The following LSG1 variants were observed in gnomAD, a reference collection of about 807,000 sequenced individuals.
LSG1 encodes the protein large 60S subunit nuclear export GTPase 1.
In LSG1, 55 loss-of-function variants were observed where a neutral mutation model predicts 82.6. The ratio of observed to expected loss-of-function variants is 0.67; its 90% CI spans 0.54 to 0.83. LSG1 has a LOEUF of 0.83. LSG1 is among the 40% of genes least tolerant of loss of function. LSG1 has a pLI of 0.00. For synonymous variants in LSG1, 272 were observed against 282.5 expected (o/e 0.96, Z 0.37); for missense variants, 809 against 807.9 (o/e 1.00, Z -0.02).
In LSG1 at chr3:194,641,218, G is replaced by T. The variant is rs954995817; in HGVS notation, c.*850C>A. On this transcript the variant is annotated 3_prime_UTR_variant, in exon 14 of 14. Transcript: ENST00000265245. ...ACCATACAATTCACCAACGTAAAGT[G>T]TGTAATTCAATGGTCTTAAGCATAT... is the stretch of plus-strand genomic sequence containing the variant. The T allele has an allele frequency of 6.6e-6, 1 of 152,180 alleles. No individual in the cohort carries two copies. Among genetic ancestry groups the T allele is most frequent in the Admixed American group, 6.5e-5 (1 of 15,280 alleles). The allele number at this position is 152,180 out of a possible 1,614,324, so 9.4% of individuals were successfully genotyped here.
chr3:194,660,913 C>T (rs940984993), intron 5 of LSG1: 15 of 456,362 alleles, frequency 3.3e-5, no homozygotes, highest in Non-Finnish European at 6.6e-5. Context: ...AAATTCCCTT[C>T]TATGGGAGGC....
At chr3:194,669,000 T>C (rs1230038107) in intron 2 of LSG1, among the ~76,000 whole-genome samples, 3 of 152,062 alleles carry the variant, frequency 2.0e-5, no homozygotes, top group South Asian at 2.1e-4. Flanking sequence ...GCCGAGCTCA[T>C]AGAAGCAGAG....
rs1718893293 is a variant in LSG1, at chr3:194,660,097, T to G, written c.558A>C (p.Pro186=). The G allele has an allele frequency of 1.2e-6, 2 of 1,613,808 alleles. No individual in the cohort carries two copies. Among genetic ancestry groups the G allele is most frequent in the Non-Finnish European group, 1.7e-6 (2 of 1,179,966 alleles). ...CCAAATCCTCACATCTAAACAGGAG[T>G]GGGTTTCGAGCATCTACTATCTGGA... The part of the protein sequence containing the change: ...IVVQIVDARN[P]LLFRCEDLEC... Residue 186 remains proline, a synonymous_variant, in exon 6 of 14, where the codon CCA becomes CCC. Transcript: ENST00000265245.
chr3:194,649,230 CTACCTTG>C (rs1718621341), intron 10 of LSG1, among the ~76,000 whole-genome samples: 1 of 152,252 alleles, frequency 6.6e-6, no homozygotes, highest in South Asian at 2.1e-4. Flanking sequence ...TAACAATATT[CTACCTTG>C]TACTAGAGTT....
rs960137714 is a variant in LSG1 at position 194,669,898 on chromosome 3, T to C, written c.226+111A>G. 3.8e-6 allele frequency: 5 copies of C among 1,318,346 alleles called. No homozygotes were observed. The African/African-American group carries it at 7.4e-5, about 19-fold the overall frequency. The allele number at this position is 1,318,346 out of a possible 1,614,324, so 81.7% of individuals were successfully genotyped here. Reference sequence around the variant, plus strand: ...GTGAGCTGATATCACGCCACTGCACTTCAGCCTGGGTGACAGAGCGAGACT... The same window carrying C: ...GTGAGCTGATATCACGCCACTGCACCTCAGCCTGGGTGACAGAGCGAGACT... On this transcript the variant is annotated intron_variant, in intron 2 of 13. Transcript: ENST00000265245.
intron 5 of LSG1, 23 bp downstream of exon 5, chr3:194,665,534 C>T (rs1332364333): frequency 6.4e-7 from 1 of 1,571,708 alleles, no homozygotes; most frequent in Non-Finnish European, 8.7e-7. Context: ...GTCTTTATTA[C>T]ACAAAAGAAA....
At position 194,641,786 on chromosome 3, in the gene LSG1, T is replaced by A; in HGVS notation, c.*282A>T. On this transcript the variant is annotated 3_prime_UTR_variant, in exon 14 of 14. Transcript: ENST00000265245. ...GCGCCACCACGCCTGGCTAATTTTT[T>A]TGTATTTTTAGTAGAGACGGGGTTT... 4.0e-6 allele frequency: 1 copy of A among 251,898 alleles called. No individual in the cohort carries two copies. The allele number at this position is 251,898 out of a possible 1,614,324, so 15.6% of individuals were successfully genotyped here.
At chr3:194,650,843 A>T (rs891841242) in intron 10 of LSG1, 38 bp downstream of exon 10, 3 of 1,575,136 alleles carry the variant, frequency 1.9e-6, no homozygotes, top group Admixed American at 1.9e-5. Flanking sequence ...CCTAATATGC[A>T]CGTAATAACT....
At chr3:194,642,295 T>G (rs1427163898) in intron 13 of LSG1, 48 bp from the exon 14 acceptor site, 1 of 1,542,672 alleles carries the variant, frequency 6.5e-7, no homozygotes, top group Non-Finnish European at 8.9e-7. Flanking sequence ...AGGCTATCCT[T>G]TAAGGGATAT....
At chr3:194,666,029 C>A (rs965250832) in intron 4 of LSG1, among the ~76,000 whole-genome samples, 174 bp downstream of exon 4, 1 of 152,240 alleles carries the variant, frequency 6.6e-6, no homozygotes, top group Non-Finnish European at 1.5e-5. Flanking sequence ...TGCAAGGATG[C>A]ATTTGCACCT....
At chr3:194,669,955 AG>A in intron 2 of LSG1, 53 bp downstream of exon 2, 1 of 1,570,052 alleles carries the variant, frequency 6.4e-7, no homozygotes, top group South Asian at 1.2e-5. Flanking sequence ...AAAAAACCTC[AG>A]CCCCAGATGG....
intron 2 of LSG1, among the ~76,000 whole-genome samples, chr3:194,667,038 A>G (rs1014159973): frequency 1.3e-5 from 2 of 151,376 alleles, no homozygotes; most frequent in Non-Finnish European, 2.9e-5. Context: ...GGCTCATAGG[A>G]TATGAAACTG....
chr3:194,659,210 A>C, intron 6 of LSG1, 77 bp from the exon 7 acceptor site: 2 of 1,240,246 alleles, frequency 1.6e-6, no homozygotes, highest in Non-Finnish European at 2.3e-6. Context: ...AAAGATCCCA[A>C]TACAAGTTTT....
chr3:194,651,045 T>G (rs1718663470), intron 9 of LSG1, 21 bp from the exon 10 acceptor site: 1 of 1,613,940 alleles, frequency 6.2e-7, no homozygotes, highest in African/African-American at 1.3e-5. Flanking sequence ...AGCAAGAGGT[T>G]TGAGCTGGGT....
rs894943162 is a variant in LSG1, at chr3:194,641,812, C to T, written c.*256G>A. On this transcript the variant is annotated 3_prime_UTR_variant, in exon 14 of 14. Coordinates refer to ENST00000265245, the MANE Select transcript of LSG1 (RefSeq NM_018385.3). ...TGTATTTTTAGTAGAGACGGGGTTT[C>T]TCCATGTTGGTGCGTGAGCCACTGT... 33 of 342,512 alleles carry T rather than the reference C, an allele frequency of 9.6e-5. No homozygotes were observed. Among genetic ancestry groups the T allele is most frequent in the Admixed American group, 1.4e-4 (3 of 21,830 alleles). 21.2% of individuals were successfully genotyped at this position (342,512 alleles called of 1,614,324 possible). A position where few individuals can be genotyped will look rare whatever the true frequency, so the allele number is the denominator to read the frequency against.
rs554080663 is a variant in LSG1, at chr3:194,653,650, G to A, written c.760-508C>T. On this transcript the variant is annotated intron_variant, in intron 7 of 13. Transcript: ENST00000265245. ...CCATCGAGGGTGGCGCCCTCCTGGA[G>A]GGGAGAATTGGACCTTCCCTTCACT... Among the ~76,000 whole-genome samples, 40 of 152,308 alleles carry A rather than the reference G, an allele frequency of 2.6e-4. 1 individual carries two copies. In the South Asian group the frequency reaches 6.2e-3, roughly 24 times the overall value.
rs531879723 is a variant in LSG1, at chr3:194,641,804, C to G, written c.*264G>C. ...AATTTTTTTGTATTTTTAGTAGAGACGGGGTTTCTCCATGTTGGTGCGTGA... is the reference window on the plus strand; with the variant it reads ...AATTTTTTTGTATTTTTAGTAGAGAGGGGGTTTCTCCATGTTGGTGCGTGA... On this transcript the variant is annotated 3_prime_UTR_variant, in exon 14 of 14. Coordinates refer to ENST00000265245, the MANE Select transcript of LSG1 (RefSeq NM_018385.3). 5 of 306,664 alleles carry G rather than the reference C, an allele frequency of 1.6e-5. No individual in the cohort carries two copies. The highest frequency in any genetic ancestry group is 3.0e-5 in the Non-Finnish European group (5 of 168,444). 19.0% of individuals were successfully genotyped at this position (306,664 alleles called of 1,614,324 possible). A position where few individuals can be genotyped will look rare whatever the true frequency, so the allele number is the denominator to read the frequency against.
rs1163091193 is a variant in LSG1, at chr3:194,666,223, T to C, written c.414A>G (p.Glu138=). 6.2e-7 allele frequency: 1 copy of C among 1,614,126 alleles called. No individual in the cohort carries two copies. Among genetic ancestry groups the C allele is most frequent in the Non-Finnish European group, 8.5e-7 (1 of 1,179,974 alleles). The change falls in exon 4 of 14, where the codon GAA becomes GAG. Residue 138 remains glutamate, a synonymous_variant. Coordinates refer to ENST00000265245, the MANE Select transcript of LSG1 (RefSeq NM_018385.3). Reference sequence around the variant, plus strand: ...CTCACCGGACAAGCTGACGTCTCCATTCTAGAAAGTTATCTTTCTCTGCTT... The same window carrying C: ...CTCACCGGACAAGCTGACGTCTCCACTCTAGAAAGTTATCTTTCTCTGCTT... ...LKQAEKDNFL[E]WRRQLVRLEE... is the part of the protein sequence containing the mutation.
chr3:194,652,633 C>T (rs993561242), intron 8 of LSG1, 96 bp downstream of exon 8: 68 of 1,362,500 alleles, frequency 5.0e-5, no homozygotes, highest in African/African-American at 2.5e-4. Context: ...CCTACGATGC[C>T]GGAAGCCTGG....
Sources: gnomAD v4.1 joint callset for allele counts (sites outside exome capture counted in the v4.1 genomes callset) on GRCh38, gnomAD v4.1.1 for gene constraint, MANE v1.5 for transcripts, NCBI Gene and HGNC (gene_info 2026-07-23, HGNC 2026-07-21) for gene names.